NALF1: variants seen among roughly 807,000 people sequenced by gnomAD.
The protein encoded by NALF1 is NALCN channel auxiliary factor 1, also known as family with sequence similarity 155 member A.
NALF1 carries 3 observed loss-of-function variants against 48.4 expected under a neutral mutation model. The ratio of observed to expected loss-of-function variants is 0.06; its 90% CI spans 0.03 to 0.16. NALF1 has a LOEUF of 0.16. NALF1 is among the 10% of genes least tolerant of loss of function. NALF1 has a pLI of 1.00. For missense variants in NALF1, 526 were observed against 571.5 expected, an observed-to-expected ratio of 0.92 and a Z score of 0.81; for synonymous variants, 262 against 245.7, an observed-to-expected ratio of 1.07 and a Z score of -0.62.
intron 1 of NALF1, among the ~76,000 whole-genome samples, chr13:107,293,456 G>T (rs894017990): frequency 5.3e-5 from 8 of 152,144 alleles, no homozygotes; most frequent in African/African-American, 1.9e-4. Flanking sequence ...CAAGGGCTAT[G>T]GAAAACTTTC....
chr13:107,188,700 C>T (rs1227435524), intron 2 of NALF1, among the ~76,000 whole-genome samples: 4 of 152,068 alleles, frequency 2.6e-5, no homozygotes, highest in South Asian at 2.1e-4. Flanking sequence ...AAGGATGAGT[C>T]CTCCACTCTC....
intron 1 of NALF1, among the ~76,000 whole-genome samples, chr13:107,644,657 A>ATATATATATATATCTG (rs879682183): frequency 1.5e-5 from 2 of 137,750 alleles, no homozygotes; most frequent in Non-Finnish European, 3.1e-5. Context: ...ATATATATAT[A>ATATATATATATATCTG]TATATATATG....
intron 1 of NALF1, among the ~76,000 whole-genome samples, chr13:107,389,541 C>T (rs1480735823): frequency 6.6e-6 from 1 of 152,104 alleles, no homozygotes; most frequent in Non-Finnish European, 1.5e-5. Context: ...AATTTCTGGC[C>T]TCCAGAAATT....
intron 1 of NALF1, among the ~76,000 whole-genome samples, chr13:107,658,424 T>A (rs1320542861): frequency 2.6e-5 from 4 of 152,042 alleles, no homozygotes; most frequent in Non-Finnish European, 5.9e-5. Context: ...CTTAATAATA[T>A]CTACAATTCT....
intron 1 of NALF1, among the ~76,000 whole-genome samples, chr13:107,451,925 C>T (rs377520186): frequency 6.6e-6 from 1 of 152,144 alleles, no homozygotes; most frequent in African/African-American, 2.4e-5. Context: ...ATGTGTTTCC[C>T]AAAGTAATTC....
chr13:107,263,702 G>A (rs1458172614), intron 1 of NALF1, among the ~76,000 whole-genome samples: 1 of 152,086 alleles, frequency 6.6e-6, no homozygotes, highest in African/African-American at 2.4e-5. Flanking sequence ...TGCCTCCCCA[G>A]CCATGTGGAA....
intron 1 of NALF1, among the ~76,000 whole-genome samples, chr13:107,286,586 C>CAAAA (rs1159508752): frequency 8.8e-5 from 9 of 101,934 alleles, no homozygotes; most frequent in African/African-American, 1.5e-4. Flanking sequence ...GACCCTGTCT[C>CAAAA]AAAAAAAAAA....
chr13:107,715,409 T>C (rs1875723021), intron 1 of NALF1, among the ~76,000 whole-genome samples: 1 of 152,084 alleles, frequency 6.6e-6, no homozygotes, highest in South Asian at 2.1e-4. Context: ...TCCATGTTGA[T>C]CAGGCTGGTC....
At chr13:107,719,836 A>T (rs1875931537) in intron 1 of NALF1, among the ~76,000 whole-genome samples, 1 of 152,092 alleles carries the variant, frequency 6.6e-6, no homozygotes, top group Non-Finnish European at 1.5e-5. Context: ...CAACAGTCTA[A>T]TGGGTGCTCC....
At chr13:107,271,814 A>ATT (rs1555329805) in intron 1 of NALF1, among the ~76,000 whole-genome samples, 2,024 of 101,682 alleles carry the variant, frequency 0.02, 42 homozygotes, top group Admixed American at 0.058. Context: ...ATATATATAT[A>ATT]TATTTATATA....
intron 1 of NALF1, among the ~76,000 whole-genome samples, chr13:107,712,818 C>G (rs1187728251): frequency 6.6e-6 from 1 of 152,230 alleles, no homozygotes. Flanking sequence ...TGCCTCATAA[C>G]AGCTGCAGTG....
chr13:107,357,094 T>C (rs1287322679), intron 1 of NALF1, among the ~76,000 whole-genome samples: 1 of 152,098 alleles, frequency 6.6e-6, no homozygotes, highest in Non-Finnish European at 1.5e-5. Flanking sequence ...TATAATACAA[T>C]TGCATTAGTC....
intron 1 of NALF1, among the ~76,000 whole-genome samples, chr13:107,772,258 G>A (rs1212884705): frequency 1.3e-5 from 2 of 151,900 alleles, no homozygotes; most frequent in Non-Finnish European, 2.9e-5. Flanking sequence ...TTTTTACTTT[G>A]CACTGCGGAC....
intron 1 of NALF1, among the ~76,000 whole-genome samples, chr13:107,685,746 C>G (rs1881417201): frequency 6.6e-6 from 1 of 152,164 alleles, no homozygotes; most frequent in Non-Finnish European, 1.5e-5. Context: ...TAAAGAGCAG[C>G]AACATGGAAG....
At chr13:107,342,445 T>C (rs1330475998) in intron 1 of NALF1, among the ~76,000 whole-genome samples, 1 of 152,144 alleles carries the variant, frequency 6.6e-6, no homozygotes, top group East Asian at 1.9e-4. Context: ...GGTGGAAAAG[T>C]AAGTCCCAGT....
At chr13:107,474,735 T>C (rs903253035) in intron 1 of NALF1, among the ~76,000 whole-genome samples, 2 of 152,184 alleles carry the variant, frequency 1.3e-5, no homozygotes, top group African/African-American at 4.8e-5. Context: ...CAAGTACGTA[T>C]ATGGGTAGAG....
At chr13:107,189,418 T>C (rs572644911) in intron 2 of NALF1, among the ~76,000 whole-genome samples, 1 of 152,306 alleles carries the variant, frequency 6.6e-6, no homozygotes, top group South Asian at 2.1e-4. Context: ...AAATATATCA[T>C]TTAATTTTCC....
intron 1 of NALF1, among the ~76,000 whole-genome samples, chr13:107,297,910 T>A (rs950034276): frequency 1.3e-5 from 2 of 152,046 alleles, no homozygotes; most frequent in African/African-American, 4.8e-5. Context: ...TTCACACAGG[T>A]CAAATACTGT....
rs71121527 is a variant in NALF1, at chr13:107,390,877, T to TTAATAATAATAATAATAA, written c.916-180140_916-180123dup. 5.8e-3 allele frequency among the ~76,000 whole-genome samples: 860 copies of TTAATAATAATAATAATAA among 147,234 alleles called. 5 individuals carry two copies. Among genetic ancestry groups the TTAATAATAATAATAATAA allele is most frequent in the Middle Eastern group, 0.014 (4 of 284 alleles). ...AAAGTCAAGACCTGCAGCCAGAAGG[T>TTAATAATAATAATAATAA]TAATAATAATAATAATAATAATAAT... On this transcript the variant is annotated intron_variant, in intron 1 of 2. Coordinates refer to ENST00000375915, the MANE Select transcript of NALF1 (RefSeq NM_001080396.3).
Sources: gnomAD v4.1 joint callset for allele counts (sites outside exome capture counted in the v4.1 genomes callset) on GRCh38, gnomAD v4.1.1 for gene constraint, MANE v1.5 for transcripts, NCBI Gene and HGNC (gene_info 2026-07-23, HGNC 2026-07-21) for gene names.